The following ZNF407 variants were observed in gnomAD, a reference collection of about 807,000 sequenced individuals.
ZNF407 encodes zinc finger protein 407.
A neutral mutation model predicts 131.2 loss-of-function variants in ZNF407; 17 were observed. The ratio of observed to expected loss-of-function variants is 0.13; its 90% CI spans 0.09 to 0.19. The LOEUF is 0.19. ZNF407 is among the 10% of genes least tolerant of loss of function. ZNF407 has a pLI of 1.00. For missense variants in ZNF407, 2,681 were observed against 2,830.6 expected, an observed-to-expected ratio of 0.95 and a Z score of 1.20; for synonymous variants, 1,156 against 1,062.0, an observed-to-expected ratio of 1.09 and a Z score of -1.72.
intron 3 of ZNF407, among the ~76,000 whole-genome samples, chr18:74,667,411 A>G (rs1260071796): frequency 1.3e-5 from 2 of 152,370 alleles, no homozygotes; most frequent in East Asian, 3.9e-4. Context: ...TCATAGTCAC[A>G]GGTACAGTCC....
intron 7 of ZNF407, 94 bp downstream of exon 7, chr18:74,890,132 C>G (rs1382043597): frequency 4.6e-6 from 6 of 1,300,054 alleles, no homozygotes; most frequent in Non-Finnish European, 6.0e-6. Context: ...TTTTTCTAAT[C>G]ACCATGAGTT....
intron 4 of ZNF407, among the ~76,000 whole-genome samples, chr18:74,823,805 A>G (rs1010420339): frequency 1.3e-5 from 2 of 152,212 alleles, no homozygotes; most frequent in Admixed American, 6.5e-5. Flanking sequence ...CAGATTGACA[A>G]GACAGAAAAT....
rs140418659 is a variant in ZNF407 at position 75,036,569 on chromosome 18, T to C, written c.5429-26581T>C. ...ATTTGCGATTAAATCTTAACAAATG[T>C]TGTTTTAACTAGACTGCAATATGTG... On this transcript the variant is annotated intron_variant, in intron 8 of 8. Coordinates refer to ENST00000299687, the MANE Select transcript of ZNF407 (RefSeq NM_017757.3). 7.9e-4 allele frequency among the ~76,000 whole-genome samples: 120 copies of C among 152,364 alleles called. 1 individual carries two copies. The East Asian group carries it at 0.021, about 27-fold the overall frequency.
intron 3 of ZNF407, among the ~76,000 whole-genome samples, chr18:74,769,161 G>A (rs1969309397): frequency 6.6e-6 from 1 of 152,148 alleles, no homozygotes; most frequent in Non-Finnish European, 1.5e-5. Flanking sequence ...CATAGGGAAG[G>A]CCCAGATTCA....
chr18:74,940,643 T>A (rs1972086639), intron 8 of ZNF407, among the ~76,000 whole-genome samples: 1 of 152,180 alleles, frequency 6.6e-6, no homozygotes, highest in African/African-American at 2.4e-5. Context: ...TGTGCCTTGA[T>A]AAAATGTTTA....
At chr18:74,975,888 T>G (rs1205990554) in intron 8 of ZNF407, among the ~76,000 whole-genome samples, 1 of 152,238 alleles carries the variant, frequency 6.6e-6, no homozygotes, top group Non-Finnish European at 1.5e-5. Context: ...TGTTGTTATA[T>G]TTAATGTTCA....
intron 8 of ZNF407, among the ~76,000 whole-genome samples, chr18:75,029,513 A>G (rs1202331431): frequency 6.6e-6 from 1 of 152,094 alleles, no homozygotes; most frequent in Non-Finnish European, 1.5e-5. Flanking sequence ...CACAGTTTCC[A>G]TGCCACCCTG....
At chr18:74,715,540 C>T (rs1599093495) in intron 3 of ZNF407, among the ~76,000 whole-genome samples, 1 of 152,194 alleles carries the variant, frequency 6.6e-6, no homozygotes, top group African/African-American at 2.4e-5. Flanking sequence ...GCTTGGGGAG[C>T]TGGCACTCAC....
In ZNF407 at chr18:74,615,752, T is replaced by G. The variant is rs1208903956; in HGVS notation, c.-53-15215T>G. 2.0e-5 allele frequency among the ~76,000 whole-genome samples: 3 copies of G among 152,234 alleles called. No individual in the cohort carries two copies. The East Asian group carries it at 5.8e-4, about 29-fold the overall frequency. On this transcript the variant is annotated intron_variant, in intron 1 of 8. Transcript: ENST00000299687. ...TAGGACATTTTATGAGACTGCAATATTTGCTTAGTCCCATAGTCTGAAGGG... is the reference window on the plus strand; with the variant it reads ...TAGGACATTTTATGAGACTGCAATAGTTGCTTAGTCCCATAGTCTGAAGGG...
At chr18:74,807,490 C>T (rs1455230055) in intron 4 of ZNF407, among the ~76,000 whole-genome samples, 1 of 152,126 alleles carries the variant, frequency 6.6e-6, no homozygotes, top group Non-Finnish European at 1.5e-5. Context: ...TGCTCAAGTT[C>T]CCCTATGATA....
chr18:75,063,088 T>C lies in ZNF407; in HGVS notation c.5429-62T>C. ...GGCCTGAGCGCTTCTGCAGAAGAAG[T>C]GTCTTACTTGTAAGCCTACGAGTAC... On this transcript the variant is annotated intron_variant, in intron 8 of 8. Transcript: ENST00000299687. The surrounding 1 kb of genome is among the most constrained non-coding windows in gnomAD (Gnocchi z 6.6). 2 of 1,440,564 alleles carry C rather than the reference T, an allele frequency of 1.4e-6. No individual in the cohort carries two copies. Among genetic ancestry groups the C allele is most frequent in the Non-Finnish European group, 1.9e-6 (2 of 1,064,072 alleles). 89.2% of individuals were successfully genotyped at this position (1,440,564 alleles called of 1,614,324 possible). A position where few individuals can be genotyped will look rare whatever the true frequency, so the allele number is the denominator to read the frequency against.
chr18:74,689,412 T>C (rs920974018), intron 3 of ZNF407, among the ~76,000 whole-genome samples: 10 of 152,250 alleles, frequency 6.6e-5, no homozygotes, highest in African/African-American at 2.4e-4. Flanking sequence ...TATTGTTAGC[T>C]TGCGAAGAGT....
At chr18:74,677,491 G>T (rs989131419) in intron 3 of ZNF407, among the ~76,000 whole-genome samples, 1 of 152,098 alleles carries the variant, frequency 6.6e-6, no homozygotes, top group Non-Finnish European at 1.5e-5. Context: ...CTTGGGTGAT[G>T]AGTTTATCTC....
intron 3 of ZNF407, among the ~76,000 whole-genome samples, chr18:74,744,426 A>T (rs578152756): frequency 6.6e-6 from 1 of 152,250 alleles, no homozygotes; most frequent in South Asian, 2.1e-4. Context: ...GTCAATAGCT[A>T]ATTTGGATAG....
At chr18:74,899,840 C>A (rs8085149) in intron 7 of ZNF407, among the ~76,000 whole-genome samples, 57,831 of 151,946 alleles carry the variant, frequency 0.38, 12,502 homozygotes, top group African/African-American at 0.59. Context: ...CGTTTTAGTA[C>A]AGTAGTGAGA....
At chr18:74,934,542 C>T (rs1264943347) in intron 8 of ZNF407, among the ~76,000 whole-genome samples, 1 of 152,226 alleles carries the variant, frequency 6.6e-6, no homozygotes, top group Non-Finnish European at 1.5e-5. Context: ...GGCATGGTGG[C>T]TCACGCCTAT....
chr18:75,001,781 T>C (rs1307306983), intron 8 of ZNF407, among the ~76,000 whole-genome samples: 1 of 152,158 alleles, frequency 6.6e-6, no homozygotes, highest in Non-Finnish European at 1.5e-5. Flanking sequence ...AATTGAAATA[T>C]AGTAGGTTGT....
At chr18:74,799,941 G>A (rs1194622076) in intron 4 of ZNF407, among the ~76,000 whole-genome samples, 3 of 126,526 alleles carry the variant, frequency 2.4e-5, no homozygotes, top group Non-Finnish European at 4.9e-5. Flanking sequence ...ATTAGCCAAA[G>A]TCTACCAATG....
At chr18:74,831,141 T>TAC (rs1970477055) in intron 4 of ZNF407, among the ~76,000 whole-genome samples, 1 of 152,210 alleles carries the variant, frequency 6.6e-6, no homozygotes, top group African/African-American at 2.4e-5. Context: ...ATTGTGTATG[T>TAC]ATATATACCA....
Sources: allele counts gnomAD v4.1 joint callset (sites outside exome capture counted in the v4.1 genomes callset), GRCh38; gene constraint gnomAD v4.1.1; non-coding constraint Gnocchi (gnomAD v3.1); transcripts MANE v1.5; gene names NCBI Gene and HGNC (gene_info 2026-07-23, HGNC 2026-07-21).